Variants in LVRN observed in about 807,000 individuals in gnomAD.
The protein encoded by LVRN is laeverin.
LVRN carries 99 observed loss-of-function variants against 111.4 expected under a neutral mutation model. That is an observed-to-expected ratio of 0.89 (90% CI 0.76 to 1.05). The LOEUF (loss-of-function observed/expected upper bound fraction) is 1.05. Among genes scored for constraint, LVRN ranks in the 50% least tolerant of loss-of-function variants. The pLI, the probability that LVRN is intolerant of heterozygous loss-of-function variation, is 0.00. For synonymous variants in LVRN, 488 were observed against 449.5 expected (o/e 1.09, Z -1.08); for missense variants, 1,414 against 1,206.8 (o/e 1.17, Z -2.54).
At chr5:116,003,726 C>G (rs530539008) in intron 12 of LVRN, among the ~76,000 whole-genome samples, 1,756 of 152,026 alleles carry the variant, frequency 0.012, 7 homozygotes, top group Middle Eastern at 0.021. Flanking sequence ...GGACTACAGG[C>G]GCCTGCCACC....
chr5:116,025,839 A>G, intron 19 of LVRN, 139 bp from the exon 20 acceptor site: 1 of 1,071,280 alleles, frequency 9.3e-7, no homozygotes, highest in Admixed American at 2.5e-5. Context: ...GGGACACACA[A>G]CCTAGGAGTA....
intron 19 of LVRN, chr5:116,023,693 C>T (rs572807451): frequency 1.3e-5 from 2 of 152,292 alleles, no homozygotes; most frequent in East Asian, 3.9e-4. Context: ...GATACATTCA[C>T]ACAAAGTAAA....
In LVRN at chr5:116,000,517, C is replaced by T. The variant is rs79168845; in HGVS notation, c.1581+19C>T. 2.1e-3 allele frequency: 3,360 copies of T among 1,613,644 alleles called. 19 individuals carry two copies. The African/African-American group carries it at 0.024, about 11-fold the overall frequency. On this transcript the variant is annotated intron_variant, in intron 8 of 19. Coordinates refer to ENST00000357872, the MANE Select transcript of LVRN (RefSeq NM_173800.5). ...ACTCAAGGTGAGTTTGCAAAATAGT[C>T]GTTACCTGGATGGCAGTAAACATAA...
At chr5:116,013,415 G>A (rs1748531206) in intron 15 of LVRN, among the ~76,000 whole-genome samples, 1 of 152,108 alleles carries the variant, frequency 6.6e-6, no homozygotes. Flanking sequence ...ACATTTCCTT[G>A]GCTCTCCTAA....
rs530836793 is a variant in LVRN, at chr5:116,025,679, A to G, written c.2833-299A>G. On this transcript the variant is annotated intron_variant, in intron 19 of 19. Coordinates refer to ENST00000357872, the MANE Select transcript of LVRN (RefSeq NM_173800.5). ...TCTCTGTCTGCAAATCTTAGAGAAC[A>G]CTCTATATGCGTTCAGTAAATATTC... Among the ~76,000 whole-genome samples the G allele has an allele frequency of 1.2e-4, 19 of 152,110 alleles. No individual in the cohort carries two copies. The East Asian group carries it at 1.5e-3, about 12-fold the overall frequency.
intron 6 of LVRN, among the ~76,000 whole-genome samples, chr5:115,994,772 A>T (rs918297882): frequency 6.6e-6 from 1 of 152,218 alleles, no homozygotes; most frequent in Non-Finnish European, 1.5e-5. Flanking sequence ...ATTTATTTAG[A>T]GTAATTATGT....
Position 115,962,862 on chromosome 5 carries a change from C to T in LVRN, c.245C>T (p.Thr82Ile), listed in dbSNP as rs1325211724. The T allele has an allele frequency of 6.2e-7, 1 of 1,613,222 alleles. No individual in the cohort carries two copies. The highest frequency in any genetic ancestry group is 1.7e-5 in the Admixed American group (1 of 60,010). ...PSSARELAVT[T>I]TPSNWRPPGP... is the part of the protein sequence containing the mutation. ...AGTGCACGCGAGCTAGCGGTGACGA[C>T]CACCCCGAGCAACTGGCGACCCCCG... Residue 82 changes from threonine (T) to isoleucine (I), a missense_variant, in exon 1 of 20, where the codon ACC becomes ATC. Transcript: ENST00000357872.
At chr5:115,991,597 A>G (rs983003857) in intron 4 of LVRN, among the ~76,000 whole-genome samples, 3 of 152,188 alleles carry the variant, frequency 2.0e-5, no homozygotes, top group African/African-American at 7.2e-5. Context: ...GTCAACCTAT[A>G]GTGACTGTAC....
At chr5:115,999,580 C>G (rs1748193620) in intron 6 of LVRN, among the ~76,000 whole-genome samples, 182 bp from the exon 7 acceptor site, 1 of 152,136 alleles carries the variant, frequency 6.6e-6, no homozygotes. Flanking sequence ...AGGAAACTAT[C>G]TTATAGTTTT....
At chr5:115,970,632 A>G (rs7728882) in intron 1 of LVRN, among the ~76,000 whole-genome samples, 131,178 of 152,042 alleles carry the variant, frequency 0.86, 56,823 homozygotes, top group African/African-American at 0.92. Context: ...TGATCCACTC[A>G]CCTTGGCCTC....
intron 1 of LVRN, among the ~76,000 whole-genome samples, chr5:115,965,296 G>A (rs536003539): frequency 3.9e-5 from 6 of 152,194 alleles, no homozygotes; most frequent in Admixed American, 6.5e-5. Flanking sequence ...AAGCTGGGGA[G>A]TGGGGAGTTA....
Position 116,027,103 on chromosome 5 carries a change from T to C in LVRN, c.*985T>C, listed in dbSNP as rs1748883225. 6.6e-6 allele frequency: 1 copy of C among 151,964 alleles called. No individual in the cohort carries two copies. The highest frequency in any genetic ancestry group is 2.4e-5 in the African/African-American group (1 of 41,440). The allele number at this position is 151,964 out of a possible 1,614,324, so 9.4% of individuals were successfully genotyped here. A position where few individuals can be genotyped will look rare whatever the true frequency, so the allele number is the denominator to read the frequency against. On this transcript the variant is annotated 3_prime_UTR_variant, in exon 20 of 20. Transcript: ENST00000357872. The stretch of plus-strand genomic sequence containing the variant: ...GAACCTACTTGTAATGTGGACCAAC[T>C]TACTTTACACATTTTCATCAGTCCC...
intron 2 of LVRN, 84 bp downstream of exon 2, chr5:115,983,513 G>C (rs1448453229): frequency 7.3e-6 from 10 of 1,368,044 alleles, no homozygotes; most frequent in African/African-American, 4.4e-5. Context: ...TTTCTAGGCA[G>C]TGTATTATGG....
At chr5:115,993,922 T>A (rs1748051025) in intron 6 of LVRN, 68 bp downstream of exon 6, 1 of 890,546 alleles carries the variant, frequency 1.1e-6, no homozygotes, top group South Asian at 2.1e-5. Context: ...TATTCATTCT[T>A]GAAAATGTAT....
At chr5:116,025,677 A>G (rs947818116) in intron 19 of LVRN, among the ~76,000 whole-genome samples, 1 of 152,188 alleles carries the variant, frequency 6.6e-6, no homozygotes, top group African/African-American at 2.4e-5. Flanking sequence ...ATCTTAGAGA[A>G]CACTCTATAT....
chr5:116,016,168 C>T (rs1748598867), intron 18 of LVRN, among the ~76,000 whole-genome samples: 1 of 152,122 alleles, frequency 6.6e-6, no homozygotes, highest in South Asian at 2.1e-4. Flanking sequence ...CAGTTTTGTT[C>T]AATTTTGCTA....
chr5:115,962,992 G>T lies in LVRN; in HGVS notation c.375G>T (p.Leu125Phe), dbSNP rs900062051. The T allele has an allele frequency of 2.5e-6, 4 of 1,613,424 alleles. No homozygotes were observed. In the African/African-American group the frequency reaches 4.0e-5, roughly 16 times the overall value. Residue 125 changes from leucine (L) to phenylalanine (F), a missense_variant, in exon 1 of 20, where the codon TTG becomes TTT. Coordinates refer to ENST00000357872, the MANE Select transcript of LVRN (RefSeq NM_173800.5). The stretch of plus-strand genomic sequence containing the variant: ...CCGACGAGCTTCCGGCCGGGTCTTT[G>T]CCCTTCACTGGCCGCGTGAACATCA... ...LRPDELPAGSLPFTGRVNITV... is the reference protein window; with the variant it reads ...LRPDELPAGSFPFTGRVNITV...
rs1201045751 is a variant in LVRN at position 115,963,001 on chromosome 5, T to C, written c.384T>C (p.Thr128=). 3 of 1,613,528 alleles carry C rather than the reference T, an allele frequency of 1.9e-6. No individual in the cohort carries two copies. Among genetic ancestry groups the C allele is most frequent in the Non-Finnish European group, 8.5e-7 (1 of 1,179,898 alleles). Residue 128 remains threonine (T), a synonymous_variant, in exon 1 of 20, where the codon ACT becomes ACC. Transcript: ENST00000357872. ...DELPAGSLPF[T]GRVNITVRCT... ...TTCCGGCCGGGTCTTTGCCCTTCAC[T>C]GGCCGCGTGAACATCACGGTGCGCT...
intron 12 of LVRN, 27 bp from the exon 13 acceptor site, chr5:116,005,885 T>A: frequency 6.4e-7 from 1 of 1,570,208 alleles, no homozygotes; most frequent in Non-Finnish European, 8.8e-7. Flanking sequence ...CATCTTCTTC[T>A]GGGCATATTT....
Sources: allele counts gnomAD v4.1 joint callset (sites outside exome capture counted in the v4.1 genomes callset), GRCh38; gene constraint gnomAD v4.1.1; transcripts MANE v1.5; gene names NCBI Gene and HGNC (gene_info 2026-07-23, HGNC 2026-07-21).